EXOC5: variants seen among roughly 807,000 people sequenced by gnomAD.
EXOC5 encodes SEC10-like 1.
Under a neutral mutation model 90.8 loss-of-function variants are expected in EXOC5, and 17 were observed. The observed-to-expected ratio is 0.19, with a 90% CI of 0.13 to 0.28. EXOC5 has a LOEUF of 0.28. Among genes scored for constraint, EXOC5 ranks in the 10% least tolerant of loss-of-function variants. EXOC5 has a pLI of 1.00. For synonymous variants in EXOC5, 260 were observed against 270.0 expected, an observed-to-expected ratio of 0.96 and a Z score of 0.36; for missense variants, 569 against 830.6, an observed-to-expected ratio of 0.69 and a Z score of 3.87.
chr14:57,267,261 C>T (rs554527867), intron 1 of EXOC5, among the ~76,000 whole-genome samples: 3 of 152,148 alleles, frequency 2.0e-5, no homozygotes, highest in Admixed American at 6.5e-5. Flanking sequence ...TGAGAAAATA[C>T]AATATCTCTG....
intron 11 of EXOC5, 28 bp from the exon 12 acceptor site, chr14:57,229,909 A>C (rs1194179022): frequency 7.6e-7 from 1 of 1,319,556 alleles, no homozygotes; most frequent in Non-Finnish European, 1.0e-6. Context: ...CAAATGAAAA[A>C]AAGAAAACAT....
intron 1 of EXOC5, among the ~76,000 whole-genome samples, chr14:57,255,953 G>A (rs1884337919): frequency 6.6e-6 from 1 of 152,034 alleles, no homozygotes; most frequent in Non-Finnish European, 1.5e-5. Flanking sequence ...CTGGCAACAA[G>A]AGGTAAAAGC....
chr14:57,235,591 G>A, intron 7 of EXOC5, 120 bp downstream of exon 7: 1 of 555,448 alleles, frequency 1.8e-6, no homozygotes, highest in Non-Finnish European at 3.2e-6. Context: ...ACTCAAAACA[G>A]TGAAAATTAT....
At chr14:57,258,431 G>T (rs985614376) in intron 1 of EXOC5, among the ~76,000 whole-genome samples, 2 of 152,092 alleles carry the variant, frequency 1.3e-5, no homozygotes, top group African/African-American at 4.8e-5. Flanking sequence ...ATCATTCTCA[G>T]CAAACTCACA....
intron 3 of EXOC5, among the ~76,000 whole-genome samples, chr14:57,246,456 C>T (rs1475533566): frequency 1.3e-5 from 2 of 152,178 alleles, no homozygotes; most frequent in African/African-American, 2.4e-5. Context: ...AGAGGAGAAT[C>T]AAGGACCACA....
intron 4 of EXOC5, among the ~76,000 whole-genome samples, chr14:57,241,666 T>A (rs978729621): frequency 6.6e-6 from 1 of 152,202 alleles, no homozygotes; most frequent in Non-Finnish European, 1.5e-5. Flanking sequence ...ATATACAACA[T>A]TTAGTCAGTT....
chr14:57,222,730 TAC>T (rs1883185123), intron 12 of EXOC5, among the ~76,000 whole-genome samples: 1 of 149,470 alleles, frequency 6.7e-6, no homozygotes, highest in Non-Finnish European at 1.5e-5. Flanking sequence ...ATATATTATA[TAC>T]ACACACATAT....
At chr14:57,248,516 T>G (rs1483404739) in intron 1 of EXOC5, among the ~76,000 whole-genome samples, 1 of 151,944 alleles carries the variant, frequency 6.6e-6, no homozygotes, top group Non-Finnish European at 1.5e-5. Flanking sequence ...TCTTTTAATT[T>G]TCTTAAAAAA....
Position 57,233,777 on chromosome 14 carries a change from T to C in EXOC5, c.821A>G (p.Lys274Arg). ...IFSNPETVLA[K>R]LIQNVFEIKL... ...GATTTCAAATACATTTTGAATAAGT[T>C]TAGCCAGGACTGTTTCTGGATTACT... Residue 274 changes from lysine to arginine, a missense_variant, in exon 9 of 18, where the codon AAA (lysine) becomes AGA (arginine). Lys to Arg is a conservative substitution (Grantham distance 26). Transcript: ENST00000621441. 6.3e-7 allele frequency: 1 copy of C among 1,591,158 alleles called. No homozygotes were observed. Among genetic ancestry groups the C allele is most frequent in the Non-Finnish European group, 8.6e-7 (1 of 1,160,050 alleles).
At chr14:57,250,018 C>G (rs571318294) in intron 1 of EXOC5, among the ~76,000 whole-genome samples, 35 of 152,066 alleles carry the variant, frequency 2.3e-4, no homozygotes, top group Non-Finnish European at 4.6e-4. Context: ...ATGATCCGCC[C>G]GCCTCAGCCT....
chr14:57,238,379 C>T (rs867472833), intron 5 of EXOC5, among the ~76,000 whole-genome samples: 197 of 109,684 alleles, frequency 1.8e-3, no homozygotes, highest in South Asian at 0.014. Flanking sequence ...TATATATACA[C>T]ACACACACAC....
At chr14:57,256,284 C>T (rs1028175238) in intron 1 of EXOC5, among the ~76,000 whole-genome samples, 1 of 152,076 alleles carries the variant, frequency 6.6e-6, no homozygotes, top group African/African-American at 2.4e-5. Flanking sequence ...CTTAACACCC[C>T]CTCAACCAAT....
At position 57,234,276 on chromosome 14, in the gene EXOC5, A is replaced by G. The variant is rs188285029; in HGVS notation, c.670-244T>C. Among the ~76,000 whole-genome samples the G allele has an allele frequency of 9.5e-4, 144 of 151,942 alleles. 1 individual carries two copies. Among genetic ancestry groups the G allele is most frequent in the African/African-American group, 3.3e-3 (137 of 41,464 alleles). ...ACATATCCTTGTTGAACTTTAGACT[A>G]AAACAAGAAAGATGAAGTATGTAAC... is the stretch of plus-strand genomic sequence containing the variant. On this transcript the variant is annotated intron_variant, in intron 7 of 17. Transcript: ENST00000621441.
At chr14:57,238,976 T>C (rs1883768322) in intron 5 of EXOC5, among the ~76,000 whole-genome samples, 2 of 152,050 alleles carry the variant, frequency 1.3e-5, no homozygotes, top group Non-Finnish European at 2.9e-5. Flanking sequence ...CATGAAAAAA[T>C]TTCCTTCTCA....
At chr14:57,266,985 T>C (rs1050400577) in intron 1 of EXOC5, among the ~76,000 whole-genome samples, 4 of 152,198 alleles carry the variant, frequency 2.6e-5, no homozygotes, top group East Asian at 1.9e-4. Context: ...TAATGTCTTA[T>C]GAACTGTATG....
chr14:57,221,380 T>C (rs1195613920), intron 13 of EXOC5, among the ~76,000 whole-genome samples: 4 of 152,162 alleles, frequency 2.6e-5, no homozygotes, highest in Non-Finnish European at 4.4e-5. Context: ...TTAAGAGTAA[T>C]AGGAAACCAC....
chr14:57,222,149 C>G (rs2139621738), intron 13 of EXOC5, among the ~76,000 whole-genome samples, 159 bp downstream of exon 13: 1 of 152,244 alleles, frequency 6.6e-6, no homozygotes, highest in African/African-American at 2.4e-5. Flanking sequence ...GTATAGCTTT[C>G]AGCACCTGGC....
rs1594642585 is a variant in EXOC5 at position 57,207,344 on chromosome 14, C to T, written c.*1265G>A. ...CTTAAGTTTATCTGTTCCTAGAAGA[C>T]TATGAACACCACAATGGGAGCTGAA... is the stretch of plus-strand genomic sequence containing the variant. On this transcript the variant is annotated 3_prime_UTR_variant, in exon 18 of 18. Transcript: ENST00000621441. 1.3e-5 allele frequency: 2 copies of T among 152,578 alleles called. No individual in the cohort carries two copies. The highest frequency in any genetic ancestry group is 2.4e-5 in the African/African-American group (1 of 41,536). 9.5% of individuals were successfully genotyped at this position (152,578 alleles called of 1,614,324 possible).
chr14:57,231,345 T>C (rs1883480484), intron 11 of EXOC5, among the ~76,000 whole-genome samples, 161 bp downstream of exon 11: 1 of 152,170 alleles, frequency 6.6e-6, no homozygotes, highest in South Asian at 2.1e-4. Flanking sequence ...CATTTCAACA[T>C]GTGGTTTAAG....
Sources: gnomAD v4.1 joint callset for allele counts (sites outside exome capture counted in the v4.1 genomes callset) on GRCh38, gnomAD v4.1.1 for gene constraint, MANE v1.5 for transcripts, NCBI Gene and HGNC (gene_info 2026-07-23, HGNC 2026-07-21) for gene names.